Variants in CD53 observed in about 807,000 individuals in gnomAD.
The protein encoded by CD53 is leukocyte surface antigen CD53.
Under a neutral mutation model 27.3 loss-of-function variants are expected in CD53, and 20 were observed. The observed-to-expected ratio is 0.73, with a 90% CI of 0.52 to 1.07. The LOEUF (loss-of-function observed/expected upper bound fraction) is 1.07. Among genes scored for constraint, CD53 ranks in the 50% least tolerant of loss-of-function variants. The probability of loss-of-function intolerance (pLI) is 0.00; values close to 1 mark genes in which losing one functional copy is unlikely to be tolerated. For missense variants in CD53, 216 were observed against 264.0 expected (o/e 0.82, Z 1.26); for synonymous variants, 106 against 105.3 (o/e 1.01, Z -0.04).
In CD53 at chr1:110,892,445, T is replaced by C. The variant is rs189778096; in HGVS notation, c.164T>C (p.Val55Ala). 4.3e-6 allele frequency: 7 copies of C among 1,613,974 alleles called. No individual in the cohort carries two copies. The East Asian group carries it at 1.6e-4, about 36-fold the overall frequency. Residue 55 changes from valine (V) to alanine (A), a missense_variant, in exon 3 of 8, where the codon GTG (valine) becomes GCG (alanine). Val to Ala is a moderately conservative substitution (Grantham distance 64). Transcript: ENST00000271324. ...HNLPSLTLGN[V>A]FVIVGSIIMV... is the part of the protein sequence containing the mutation. ...CTCCCCTCCCTCACGCTGGGCAATG[T>C]GTTTGTCATCGTGGGCTCTATTATC...
chr1:110,883,270 A>C (rs1218045330), intron 1 of CD53, among the ~76,000 whole-genome samples: 1 of 151,972 alleles, frequency 6.6e-6, no homozygotes, highest in Non-Finnish European at 1.5e-5. Context: ...TCAAAAATAG[A>C]TGTTGAATTT....
At chr1:110,888,886 A>AC (rs1656734000) in intron 1 of CD53, among the ~76,000 whole-genome samples, 2 of 152,160 alleles carry the variant, frequency 1.3e-5, no homozygotes, top group South Asian at 4.1e-4. Context: ...GCTCAAGGGG[A>AC]CTACATTCAT....
intron 3 of CD53, among the ~76,000 whole-genome samples, chr1:110,893,927 ACCAGCAGTCCT>A (rs1656954152): frequency 6.6e-6 from 1 of 152,202 alleles, no homozygotes; most frequent in Admixed American, 6.5e-5. Context: ...CTCAGCCACT[ACCAGCAGTCCT>A]CCACCCAGAG....
Position 110,892,345 on chromosome 1 carries a change from A to T in CD53, c.64A>T (p.Ile22Phe). 2.5e-6 allele frequency: 4 copies of T among 1,613,498 alleles called. No homozygotes were observed. The highest frequency in any genetic ancestry group is 3.4e-6 in the Non-Finnish European group (4 of 1,179,408). Residue 22 changes from isoleucine (I) to phenylalanine (F), a missense_variant and splice_region_variant, in exon 3 of 8, where the codon ATC becomes TTC. Physicochemically the swap from Ile to Phe is conservative, Grantham distance 21 (BLOSUM62 0). Transcript: ENST00000271324. ...VLFFFNLLFW[I>F]CGCCILGFGI... ...GATGTTGTGGGATTCTTCCTTTCAGATCTGTGGCTGCTGCATTTTGGGCTT... is the reference window on the plus strand; with the variant it reads ...GATGTTGTGGGATTCTTCCTTTCAGTTCTGTGGCTGCTGCATTTTGGGCTT...
At chr1:110,885,487 G>T (rs1158482835) in intron 1 of CD53, among the ~76,000 whole-genome samples, 1 of 152,084 alleles carries the variant, frequency 6.6e-6, no homozygotes, top group Non-Finnish European at 1.5e-5. Flanking sequence ...GCAGTGAGCC[G>T]AGATCGCGCC....
chr1:110,898,050 AATTTGCTTTAAGG>A (rs1301704925), intron 7 of CD53, among the ~76,000 whole-genome samples, 158 bp downstream of exon 7: 1 of 152,198 alleles, frequency 6.6e-6, no homozygotes, highest in Non-Finnish European at 1.5e-5. Context: ...TGTAATTAAC[AATTTGCTTTAAGG>A]TATATAGAAA....
chr1:110,892,279 G>T, intron 2 of CD53, 66 bp from the exon 3 acceptor site: 1 of 1,077,540 alleles, frequency 9.3e-7, no homozygotes, highest in South Asian at 1.2e-5. Context: ...TCAAGGAAGT[G>T]AGAATATGAG....
chr1:110,898,498 C>T (rs1657164582), intron 7 of CD53, among the ~76,000 whole-genome samples: 1 of 152,024 alleles, frequency 6.6e-6, no homozygotes, highest in African/African-American at 2.4e-5. Context: ...GTGATCCCTC[C>T]TCAGCTGGTC....
chr1:110,883,857 T>G (rs1258672311), intron 1 of CD53, among the ~76,000 whole-genome samples: 2 of 151,998 alleles, frequency 1.3e-5, no homozygotes, highest in East Asian at 3.8e-4. Flanking sequence ...ATTTTTGATA[T>G]CTATAGAATT....
At position 110,896,694 on chromosome 1, in the gene CD53, T is replaced by C. The variant is rs763843092; in HGVS notation, c.465T>C (p.Ser155=). Residue 155 remains serine (S), a synonymous_variant, in exon 6 of 8, where the codon AGT becomes AGC. Coordinates refer to ENST00000271324, the MANE Select transcript of CD53 (RefSeq NM_000560.4). Reference sequence around the variant, plus strand: ...TAAATGGCACGAGTGATTGGACCAGTGGCCCACCAGCATCTTGCCCCTCAG... The same window carrying C: ...TAAATGGCACGAGTGATTGGACCAGCGGCCCACCAGCATCTTGCCCCTCAG... The part of the protein sequence containing the change: ...CGINGTSDWT[S]GPPASCPSDR... The C allele has an allele frequency of 1.2e-6, 2 of 1,613,580 alleles. No individual in the cohort carries two copies. The highest frequency in any genetic ancestry group is 1.7e-6 in the Non-Finnish European group (2 of 1,179,816).
intron 1 of CD53, among the ~76,000 whole-genome samples, chr1:110,879,792 T>A (rs1225557218): frequency 6.6e-6 from 1 of 152,100 alleles, no homozygotes; most frequent in Non-Finnish European, 1.5e-5. Context: ...GGTCTTAAAC[T>A]CCTAGGCTCA....
intron 1 of CD53, among the ~76,000 whole-genome samples, chr1:110,876,287 T>C (rs1656128440): frequency 1.3e-5 from 2 of 152,216 alleles, no homozygotes. Flanking sequence ...CTCTTTCTTC[T>C]ACATTATACT....
rs114789072 is a variant in CD53, at chr1:110,889,625, C to T, written c.-17-1767C>T. On this transcript the variant is annotated intron_variant, in intron 1 of 7. Transcript: ENST00000271324. Reference sequence around the variant, plus strand: ...ATCATGGGTTCAATTTATTGAGTACCGGTCTTGCTGTATGCCAGTCTGTGT... The same window carrying T: ...ATCATGGGTTCAATTTATTGAGTACTGGTCTTGCTGTATGCCAGTCTGTGT... 2.9e-3 allele frequency among the ~76,000 whole-genome samples: 441 copies of T among 151,898 alleles called. 2 individuals are homozygous for T. The highest frequency in any genetic ancestry group is 0.01 in the African/African-American group (423 of 41,392).
At chr1:110,886,864 TATA>T (rs376940508) in intron 1 of CD53, among the ~76,000 whole-genome samples, 1,773 of 78,094 alleles carry the variant, frequency 0.023, 60 homozygotes, top group East Asian at 0.17. Context: ...TATATATATA[TATA>T]TATTTTTTTT....
At chr1:110,898,958 T>A (rs1369501592) in intron 7 of CD53, among the ~76,000 whole-genome samples, 166 bp from the exon 8 acceptor site, 1 of 152,212 alleles carries the variant, frequency 6.6e-6, no homozygotes, top group Non-Finnish European at 1.5e-5. Flanking sequence ...CTCACTGCTA[T>A]TCTTTAACCA....
upstream of CD53, among the ~76,000 whole-genome samples, chr1:110,872,798 G>A (rs189060113): frequency 1.3e-5 from 2 of 152,272 alleles, no homozygotes; most frequent in Admixed American, 1.3e-4. Context: ...GGAAACTGGT[G>A]GTGGGGCCAG....
At chr1:110,882,650 T>G (rs573676516) in intron 1 of CD53, among the ~76,000 whole-genome samples, 29 of 152,142 alleles carry the variant, frequency 1.9e-4, no homozygotes, top group African/African-American at 6.7e-4. Context: ...ATAGATAAAT[T>G]TGGAAGAATT....
intron 1 of CD53, among the ~76,000 whole-genome samples, chr1:110,887,945 G>A (rs984543273): frequency 6.6e-5 from 10 of 152,210 alleles, no homozygotes; most frequent in African/African-American, 9.7e-5. Flanking sequence ...GAAATGGGGT[G>A]ATTATCCTGG....
Position 110,894,981 on chromosome 1 carries a change from G to T in CD53, c.349G>T (p.Gly117Cys), listed in dbSNP as rs368399098. ...EQKLNEYVAK[G>C]LTDSIHRYHS... ...CCAGCTGAATGAGTATGTGGCTAAG[G>T]GTCTGACCGACAGCATCCACCGTTA... The change falls in exon 5 of 8, where the codon GGT (glycine) becomes TGT (cysteine). Residue 117 changes from glycine (G) to cysteine (C), a missense_variant. Coordinates refer to ENST00000271324, the MANE Select transcript of CD53 (RefSeq NM_000560.4). The T allele has an allele frequency of 6.2e-7, 1 of 1,613,854 alleles. No homozygotes were observed.
Sources: allele counts gnomAD v4.1 joint callset (sites outside exome capture counted in the v4.1 genomes callset), GRCh38; gene constraint gnomAD v4.1.1; transcripts MANE v1.5; gene names NCBI Gene and HGNC (gene_info 2026-07-23, HGNC 2026-07-21).